KIF13A: variants seen among roughly 807,000 people sequenced by gnomAD.
The protein encoded by KIF13A is kinesin-like protein KIF13A.
A neutral mutation model predicts 212.2 loss-of-function variants in KIF13A; 79 were observed. The observed-to-expected ratio is 0.37, with a 90% CI of 0.31 to 0.45. The LOEUF (loss-of-function observed/expected upper bound fraction) is 0.45. Ranked by LOEUF, KIF13A falls within the 20% of genes least tolerant of loss-of-function variation. KIF13A has a pLI of 1.00. For synonymous variants in KIF13A, 789 were observed against 808.6 expected (o/e 0.98, Z 0.41); for missense variants, 1,901 against 2,209.0 (o/e 0.86, Z 2.79).
At chr6:17,979,574 G>A (rs899332329) in intron 2 of KIF13A, among the ~76,000 whole-genome samples, 6 of 152,116 alleles carry the variant, frequency 3.9e-5, no homozygotes, top group African/African-American at 1.4e-4. Flanking sequence ...TATAGTCCTT[G>A]CCCTGGAGAA....
At chr6:17,862,652 A>T (rs1768911923) in intron 4 of KIF13A, among the ~76,000 whole-genome samples, 1 of 152,098 alleles carries the variant, frequency 6.6e-6, no homozygotes. Context: ...AAAAATAAAA[A>T]ATTAGCCAGG....
At position 17,816,293 on chromosome 6, in the gene KIF13A, T is replaced by A. The variant is rs1320957058; in HGVS notation, c.2000+727A>T. On this transcript the variant is annotated intron_variant, in intron 17 of 38. Coordinates refer to ENST00000259711, the MANE Select transcript of KIF13A (RefSeq NM_022113.6). The surrounding 1 kb of genome is among the most constrained non-coding windows in gnomAD (Gnocchi z 4.3). ...ATCGCAGCTCACTAAAGCCTTGATC[T>A]CTGGGGCTCAAGTGACCCTCCCTCC... Among the ~76,000 whole-genome samples, 1 of 152,170 alleles carries A rather than the reference T, an allele frequency of 6.6e-6. No homozygotes were observed. Among genetic ancestry groups the A allele is most frequent in the Middle Eastern group, 3.4e-3 (1 of 294 alleles).
chr6:17,775,351 C>G (rs572514928), intron 34 of KIF13A, among the ~76,000 whole-genome samples: 1 of 152,208 alleles, frequency 6.6e-6, no homozygotes, highest in Admixed American at 6.5e-5. Flanking sequence ...ATTCAATAGT[C>G]TAGTCAAGTA....
rs1561757771 is a variant in KIF13A, at chr6:17,915,954, TAAAAATA to T, written c.147-17781_147-17775del. The stretch of plus-strand genomic sequence containing the variant: ...CCAGTCTCAAAAAAAAAAATAAAAA[TAAAAATA>T]AAATAAAATAAAATAAATTACAGTT... On this transcript the variant is annotated intron_variant, in intron 2 of 38. Coordinates refer to ENST00000259711, the MANE Select transcript of KIF13A (RefSeq NM_022113.6). The surrounding 1 kb of genome is among the most constrained non-coding windows in gnomAD (Gnocchi z 4.4). Among the ~76,000 whole-genome samples the T allele has an allele frequency of 1.1e-4, 14 of 124,986 alleles. No individual in the cohort carries two copies. In the East Asian group the frequency reaches 3.1e-3, roughly 28 times the overall value. The allele number at this position is 124,986 out of a possible 152,430, so 82.0% of individuals were successfully genotyped here.
chr6:17,869,431 T>C (rs368173717), intron 4 of KIF13A, among the ~76,000 whole-genome samples: 8 of 152,192 alleles, frequency 5.3e-5, no homozygotes, highest in African/African-American at 1.7e-4. Context: ...TTTAAATGAA[T>C]ACATTATTTA....
At position 17,792,749 on chromosome 6, in the gene KIF13A, A is replaced by AG. The variant is rs1458651215; in HGVS notation, c.3222+1499dup. ...AGGGAATTTTGGGCTTGAAGAAGGCAGGCAGCATCTGACAAAGCTATTACT... is the reference window on the plus strand; with the variant it reads ...AGGGAATTTTGGGCTTGAAGAAGGCAGGGCAGCATCTGACAAAGCTATTACT... On this transcript the variant is annotated intron_variant, in intron 25 of 38. Coordinates refer to ENST00000259711, the MANE Select transcript of KIF13A (RefSeq NM_022113.6). Among the ~76,000 whole-genome samples, 4 of 152,214 alleles carry AG rather than the reference A, an allele frequency of 2.6e-5. 1 individual carries two copies. The highest frequency in any genetic ancestry group is 5.9e-5 in the Non-Finnish European group (4 of 68,048).
chr6:17,847,618 T>A (rs1373382051), intron 9 of KIF13A, among the ~76,000 whole-genome samples: 2 of 152,152 alleles, frequency 1.3e-5, no homozygotes, highest in Admixed American at 1.3e-4. Context: ...TTATTACAGC[T>A]CAACAGAAAA....
intron 2 of KIF13A, among the ~76,000 whole-genome samples, chr6:17,932,259 T>C (rs943063519): frequency 6.6e-6 from 1 of 152,214 alleles, no homozygotes; most frequent in Non-Finnish European, 1.5e-5. Context: ...GCTTATATTT[T>C]GAAAATCACC....
chr6:17,943,287 A>G (rs962048385), intron 2 of KIF13A, among the ~76,000 whole-genome samples: 2 of 152,004 alleles, frequency 1.3e-5, no homozygotes, highest in African/African-American at 4.8e-5. Context: ...AACCTCTTCT[A>G]TTTTTATAAT....
At position 17,777,851 on chromosome 6, in the gene KIF13A, A is replaced by C. The variant is rs764259172; in HGVS notation, c.4093-497T>G. Among the ~76,000 whole-genome samples the C allele has an allele frequency of 2.0e-5, 3 of 152,136 alleles. No homozygotes were observed. Among genetic ancestry groups the C allele is most frequent in the Non-Finnish European group, 4.4e-5 (3 of 68,028 alleles). On this transcript the variant is annotated intron_variant, in intron 33 of 38. Coordinates refer to ENST00000259711, the MANE Select transcript of KIF13A (RefSeq NM_022113.6). The surrounding 1 kb of genome is among the most constrained non-coding windows in gnomAD (Gnocchi z 4.4). ...TTATCAAAAATATTTTTTTTAAGAT[A>C]AATAAAACTGCAGGGTGTGGTGGTT...
rs1211255199 is a variant in KIF13A, at chr6:17,837,033, C to T, written c.1000G>A (p.Asp334Asn). 6.2e-7 allele frequency: 1 copy of T among 1,613,946 alleles called. No individual in the cohort carries two copies. Among genetic ancestry groups the T allele is most frequent in the Non-Finnish European group, 8.5e-7 (1 of 1,179,888 alleles). Reference protein sequence around the residue: ...SMIATISPAADNYEETLSTLR... With the variant: ...SMIATISPAANNYEETLSTLR... The stretch of plus-strand genomic sequence containing the variant: ...GTGGAGAGGGTCTCTTCATAGTTGT[C>T]TGCGGCTGGGCTGATTGTGGCTATC... The change falls in exon 11 of 39, where the codon GAC becomes AAC. Residue 334 changes from aspartate to asparagine, a missense_variant. Coordinates refer to ENST00000259711, the MANE Select transcript of KIF13A (RefSeq NM_022113.6). The surrounding 1 kb of genome is among the most constrained non-coding windows in gnomAD (Gnocchi z 5.4).
chr6:17,924,447 T>C (rs902753933), intron 2 of KIF13A, among the ~76,000 whole-genome samples: 3 of 152,232 alleles, frequency 2.0e-5, no homozygotes, highest in African/African-American at 7.2e-5. Context: ...CCTTTTTTTC[T>C]GATGTAAAAG....
intron 2 of KIF13A, among the ~76,000 whole-genome samples, chr6:17,975,378 T>C (rs1057439282): frequency 1.1e-4 from 16 of 152,126 alleles, no homozygotes; most frequent in Non-Finnish European, 2.2e-4. Flanking sequence ...ACAATGAATA[T>C]TACAAATCTT....
intron 2 of KIF13A, among the ~76,000 whole-genome samples, chr6:17,920,527 C>T (rs896075188): frequency 8.5e-5 from 13 of 152,158 alleles, no homozygotes; most frequent in African/African-American, 3.1e-4. Flanking sequence ...AAAGCTGAGA[C>T]CTTATTCTTT....
chr6:17,884,133 C>T (rs189482182), intron 3 of KIF13A, among the ~76,000 whole-genome samples: 268 of 152,240 alleles, frequency 1.8e-3, no homozygotes, highest in Non-Finnish European at 3.2e-3. Flanking sequence ...TCTCAACTTC[C>T]TCCCTATAAT....
chr6:17,829,713 G>C lies in KIF13A; in HGVS notation c.1402-1343C>G, dbSNP rs1269150760. 6.6e-6 allele frequency among the ~76,000 whole-genome samples: 1 copy of C among 152,046 alleles called. No individual in the cohort carries two copies. Among genetic ancestry groups the C allele is most frequent in the Admixed American group, 6.6e-5 (1 of 15,256 alleles). Reference sequence around the variant, plus strand: ...GGTCTTTCAAAATCAGGATTTCAGAGACAATTCCTTACCCCTACTCATTGC... The same window carrying C: ...GGTCTTTCAAAATCAGGATTTCAGACACAATTCCTTACCCCTACTCATTGC... On this transcript the variant is annotated intron_variant, in intron 13 of 38. Coordinates refer to ENST00000259711, the MANE Select transcript of KIF13A (RefSeq NM_022113.6). This position sits in a 1 kb window ranked among gnomAD's most constrained non-coding sequence, Gnocchi z 5.4.
At chr6:17,882,903 A>G (rs1041984334) in intron 3 of KIF13A, among the ~76,000 whole-genome samples, 1 of 152,204 alleles carries the variant, frequency 6.6e-6, no homozygotes, top group African/African-American at 2.4e-5. Flanking sequence ...CATTATCCTG[A>G]ATTTCCATAT....
intron 2 of KIF13A, among the ~76,000 whole-genome samples, chr6:17,911,800 T>C (rs1001647665): frequency 2.0e-5 from 3 of 150,822 alleles, no homozygotes; most frequent in African/African-American, 7.3e-5. Flanking sequence ...ATTCTCACTA[T>C]GTAGCCCAAG....
chr6:17,913,113 A>T (rs1340196082), intron 2 of KIF13A, among the ~76,000 whole-genome samples: 2 of 151,608 alleles, frequency 1.3e-5, no homozygotes. Context: ...ATATATATTT[A>T]TATATTTTAA....
Sources: allele counts gnomAD v4.1 joint callset (sites outside exome capture counted in the v4.1 genomes callset), GRCh38; gene constraint gnomAD v4.1.1; non-coding constraint Gnocchi (gnomAD v3.1); transcripts MANE v1.5; gene names NCBI Gene and HGNC (gene_info 2026-07-23, HGNC 2026-07-21).